Variants in YLPM1 observed in about 807,000 individuals in gnomAD.
YLPM1 encodes the protein YLP motif-containing protein 1.
YLPM1 carries 99 observed loss-of-function variants against 230.0 expected under a neutral mutation model. The ratio of observed to expected loss-of-function variants is 0.43; its 90% CI spans 0.37 to 0.51. The LOEUF (loss-of-function observed/expected upper bound fraction) is 0.51. YLPM1 is among the 20% of genes least tolerant of loss of function. YLPM1 has a pLI of 0.00. For missense variants in YLPM1, 2,592 were observed against 2,707.7 expected (o/e 0.96, Z 0.95); for synonymous variants, 984 against 942.5 (o/e 1.04, Z -0.81).
chr14:74,787,609 A>G (rs1192960532), intron 4 of YLPM1, among the ~76,000 whole-genome samples: 4 of 151,914 alleles, frequency 2.6e-5, no homozygotes, highest in African/African-American at 9.7e-5. Flanking sequence ...CTGCAGTAAG[A>G]CAGTTTGATC....
intron 1 of YLPM1, among the ~76,000 whole-genome samples, chr14:74,769,150 A>G (rs1424515040): frequency 6.6e-6 from 1 of 150,800 alleles, no homozygotes; most frequent in East Asian, 1.9e-4. Context: ...ATCTCGGCTC[A>G]CTGCAACCTC....
chr14:74,820,089 C>T (rs551429310), intron 16 of YLPM1, among the ~76,000 whole-genome samples: 2 of 152,226 alleles, frequency 1.3e-5, no homozygotes, highest in South Asian at 2.1e-4. Context: ...TATTATTTTC[C>T]AAATTCTCTA....
chr14:74,780,531 C>T lies in YLPM1; in HGVS notation c.1237C>T (p.Gln413Ter), dbSNP rs767556579. The T allele has an allele frequency of 6.2e-7, 1 of 1,614,018 alleles. No homozygotes were observed. The change falls in exon 3 of 21, where the codon CAG (glutamine) becomes TAG (stop). Residue 413 changes from glutamine (Q) to a stop codon, truncating the protein, a stop_gained. Transcript: ENST00000325680. LOFTEE classifies it high-confidence loss of function. ...QGIMQKHTQL[Q>*]QILQQYQQII... is the part of the protein sequence containing the mutation. ...AATAATGCAGAAGCACACTCAGTTA[C>T]AGCAGATTCTACAACAGTATCAGCA... is the stretch of plus-strand genomic sequence containing the variant.
At chr14:74,800,847 C>T (rs1329786533) in intron 5 of YLPM1, among the ~76,000 whole-genome samples, 1 of 152,176 alleles carries the variant, frequency 6.6e-6, no homozygotes, top group Non-Finnish European at 1.5e-5. Context: ...TGTAACTGGG[C>T]ACTTGCTAAT....
intron 15 of YLPM1, among the ~76,000 whole-genome samples, chr14:74,817,527 G>A (rs148226925): frequency 7.0e-4 from 106 of 152,246 alleles, no homozygotes; most frequent in African/African-American, 2.4e-3. Context: ...ATCTAGGTTT[G>A]TGTAAGTATA....
chr14:74,833,443 C>T (rs138680389), intron 19 of YLPM1, among the ~76,000 whole-genome samples: 19 of 152,002 alleles, frequency 1.2e-4, no homozygotes, highest in South Asian at 6.2e-4. Flanking sequence ...AGTAGAGACA[C>T]GGTTTCGCCT....
intron 10 of YLPM1, 84 bp downstream of exon 10, chr14:74,811,822 T>TTTAC: frequency 2.1e-6 from 2 of 972,994 alleles, no homozygotes; most frequent in Non-Finnish European, 3.0e-6. Flanking sequence ...GAATTTAAAC[T>TTTAC]TTTAGAGTAA....
In YLPM1 at chr14:74,799,270, G is replaced by A; in HGVS notation, c.3973G>A (p.Glu1325Lys). 1 of 1,614,014 alleles carries A rather than the reference G, an allele frequency of 6.2e-7. No individual in the cohort carries two copies. The highest frequency in any genetic ancestry group is 8.5e-7 in the Non-Finnish European group (1 of 1,179,896). The change falls in exon 5 of 21, where the codon GAA (glutamate) becomes AAA (lysine). Residue 1325 changes from glutamate to lysine, a missense_variant. Transcript: ENST00000325680. Reference protein sequence around the residue: ...PLDEQESQFRERDIPSLPPLP... With the variant: ...PLDEQESQFRKRDIPSLPPLP... ...GGATGAACAAGAATCACAGTTTCGT[G>A]AACGGGATATTCCATCTCTTCCACC...
chr14:74,806,736 T>TA (rs2091382256), intron 6 of YLPM1, among the ~76,000 whole-genome samples: 1 of 152,000 alleles, frequency 6.6e-6, no homozygotes, highest in African/African-American at 2.4e-5. Context: ...TTTCCCATAT[T>TA]TGTTAATTAT....
intron 1 of YLPM1, among the ~76,000 whole-genome samples, chr14:74,774,532 A>G (rs34640590): frequency 7.3e-4 from 111 of 151,864 alleles, no homozygotes; most frequent in Admixed American, 2.2e-3. Context: ...CAGCCTCCCA[A>G]GTAGCTGGGA....
Position 74,764,376 on chromosome 14 carries a change from T to G in YLPM1, c.873+14T>G. 1.3e-6 allele frequency: 2 copies of G among 1,582,140 alleles called. No individual in the cohort carries two copies. Among genetic ancestry groups the G allele is most frequent in the Non-Finnish European group, 1.7e-6 (2 of 1,161,716 alleles). On this transcript the variant is annotated intron_variant, in intron 1 of 20. Coordinates refer to ENST00000325680, the MANE Select transcript of YLPM1 (RefSeq NM_019589.3). Reference sequence around the variant, plus strand: ...ATGACTCCACAGGTAAGAAAGCATCTGCCTGAACCTCATCTTTCACCTAGA... The same window carrying G: ...ATGACTCCACAGGTAAGAAAGCATCGGCCTGAACCTCATCTTTCACCTAGA...
intron 4 of YLPM1, among the ~76,000 whole-genome samples, chr14:74,787,525 A>G (rs962312471): frequency 2.0e-5 from 3 of 151,826 alleles, no homozygotes; most frequent in Admixed American, 6.6e-5. Flanking sequence ...TCGAGTCACT[A>G]CACTCCAGCC....
chr14:74,795,920 T>C (rs2091256036), intron 4 of YLPM1, among the ~76,000 whole-genome samples: 1 of 152,178 alleles, frequency 6.6e-6, no homozygotes. Context: ...GTCTTGGATA[T>C]TTCACCACCA....
Position 74,836,436 on chromosome 14 carries a change from G to T in YLPM1, c.*698G>T, listed in dbSNP as rs368009668. 2 of 152,140 alleles carry T rather than the reference G, an allele frequency of 1.3e-5. No homozygotes were observed. Among genetic ancestry groups the T allele is most frequent in the East Asian group, 1.9e-4 (1 of 5,198 alleles). The allele number at this position is 152,140 out of a possible 1,614,324, so 9.4% of individuals were successfully genotyped here. Reference sequence around the variant, plus strand: ...ACTGACCAAGTTCAAATATTCATCAGTTCCCTGGAGCATATCCATTCTGTA... The same window carrying T: ...ACTGACCAAGTTCAAATATTCATCATTTCCCTGGAGCATATCCATTCTGTA... On this transcript the variant is annotated 3_prime_UTR_variant, in exon 21 of 21. Transcript: ENST00000325680.
chr14:74,822,288 G>A (rs931399690), intron 17 of YLPM1, among the ~76,000 whole-genome samples: 1 of 152,120 alleles, frequency 6.6e-6, no homozygotes, highest in Non-Finnish European at 1.5e-5. Context: ...AACTGATTAC[G>A]TGAGAAGTCT....
chr14:74,768,078 TC>T (rs1330014487), intron 1 of YLPM1, among the ~76,000 whole-genome samples: 1 of 152,214 alleles, frequency 6.6e-6, no homozygotes, highest in Non-Finnish European at 1.5e-5. Context: ...ATTTTTTTTT[TC>T]TGCCATTTCT....
chr14:74,802,012 C>T lies in YLPM1; in HGVS notation c.4401-544C>T, dbSNP rs991701963. On this transcript the variant is annotated intron_variant, in intron 5 of 20. Coordinates refer to ENST00000325680, the MANE Select transcript of YLPM1 (RefSeq NM_019589.3). ...CAGGCGGATCATGAGGTCAGGAGTTCGAGACCAGCCTGGCCAATATAGTGA... is the reference window on the plus strand; with the variant it reads ...CAGGCGGATCATGAGGTCAGGAGTTTGAGACCAGCCTGGCCAATATAGTGA... Among the ~76,000 whole-genome samples the T allele has an allele frequency of 4.6e-5, 7 of 151,680 alleles. No individual in the cohort carries two copies. The South Asian group carries it at 6.3e-4, about 14-fold the overall frequency.
In YLPM1 at chr14:74,816,558, G is replaced by A. The variant is rs770032290; in HGVS notation, c.5566-13G>A. ...TAAATTCGTTTTAACCTTCTTGACT[G>A]TATGATTCTTAGGATAAGGAGGTAG... On this transcript the variant is annotated splice_polypyrimidine_tract_variant and intron_variant, in intron 12 of 20. Transcript: ENST00000325680. The A allele has an allele frequency of 4.4e-6, 7 of 1,608,132 alleles. No homozygotes were observed. The highest frequency in any genetic ancestry group is 3.4e-5 in the Admixed American group (2 of 58,230).
chr14:74,796,746 GTTTC>G (rs1200334345), intron 4 of YLPM1, among the ~76,000 whole-genome samples: 2 of 143,292 alleles, frequency 1.4e-5, no homozygotes, highest in African/African-American at 2.6e-5. Context: ...TAGGGCTACT[GTTTC>G]TTTTTTTTTT....
Sources: gnomAD v4.1 joint callset for allele counts (sites outside exome capture counted in the v4.1 genomes callset) on GRCh38, gnomAD v4.1.1 for gene constraint, MANE v1.5 for transcripts, NCBI Gene and HGNC (gene_info 2026-07-23, HGNC 2026-07-21) for gene names.